Variants in JARID2 observed in about 807,000 individuals in gnomAD.
The protein encoded by JARID2 is protein Jumonji.
A neutral mutation model predicts 125.6 loss-of-function variants in JARID2; 21 were observed. The observed-to-expected ratio is 0.17, with a 90% CI of 0.12 to 0.24. The LOEUF (loss-of-function observed/expected upper bound fraction) is 0.24. Ranked by LOEUF, JARID2 falls within the 10% of genes least tolerant of loss-of-function variation. The pLI, the probability that JARID2 is intolerant of heterozygous loss-of-function variation, is 1.00. For missense variants in JARID2, 1,303 were observed against 1,639.6 expected (o/e 0.79, Z 3.55); for synonymous variants, 736 against 661.6 (o/e 1.11, Z -1.73).
At chr6:15,369,459 C>G (rs1431807209) in intron 1 of JARID2, 1 of 266,518 alleles carries the variant, frequency 3.8e-6, no homozygotes, top group Non-Finnish European at 8.0e-6. Context: ...CCTGTGTCCT[C>G]TATATTAAGC....
chr6:15,504,602 G>A lies in JARID2; in HGVS notation c.2541+10G>A. ...CCCAGCCGAAATCGAGGTGAGAGAA[G>A]GGGCCCCTCACGCTGCCTCTCATGG... On this transcript the variant is annotated intron_variant, in intron 9 of 17. Coordinates refer to ENST00000341776, the MANE Select transcript of JARID2 (RefSeq NM_004973.4). 6.3e-7 allele frequency: 1 copy of A among 1,595,378 alleles called. No homozygotes were observed. Among genetic ancestry groups the A allele is most frequent in the Non-Finnish European group, 8.6e-7 (1 of 1,162,960 alleles).
At chr6:15,299,776 C>T (rs993678761) in intron 1 of JARID2, among the ~76,000 whole-genome samples, 2 of 152,084 alleles carry the variant, frequency 1.3e-5, no homozygotes, top group African/African-American at 4.8e-5. Context: ...CTCACTTCAG[C>T]GGGGTGGGCT....
At chr6:15,310,981 G>A (rs971467684) in intron 1 of JARID2, among the ~76,000 whole-genome samples, 1 of 152,164 alleles carries the variant, frequency 6.6e-6, no homozygotes, top group Non-Finnish European at 1.5e-5. Flanking sequence ...AATGGGAACC[G>A]TCATAGAGTG....
chr6:15,273,079 A>G (rs918128946), intron 1 of JARID2, among the ~76,000 whole-genome samples: 21 of 152,174 alleles, frequency 1.4e-4, no homozygotes, highest in Admixed American at 3.3e-4. Context: ...GATTCAGCAT[A>G]TGGCATTTAC....
chr6:15,496,296 C>T lies in JARID2; in HGVS notation c.1071C>T (p.Val357=). 4 of 1,614,160 alleles carry T rather than the reference C, an allele frequency of 2.5e-6. No individual in the cohort carries two copies. Among genetic ancestry groups the T allele is most frequent in the Non-Finnish European group, 3.4e-6 (4 of 1,180,036 alleles). ...ACACCAAAGCCAAGAGAGAACTGGTCAAGGACACCAAACCCAATCACCACA... is the reference window on the plus strand; with the variant it reads ...ACACCAAAGCCAAGAGAGAACTGGTTAAGGACACCAAACCCAATCACCACA... The part of the protein sequence containing the change: ...VTYTKAKREL[V]KDTKPNHHKP... Residue 357 remains valine, a synonymous_variant, in exon 7 of 18, where the codon GTC becomes GTT. Transcript: ENST00000341776.
intron 1 of JARID2, among the ~76,000 whole-genome samples, chr6:15,266,370 C>G (rs1000399): frequency 6.6e-6 from 1 of 152,076 alleles, no homozygotes; most frequent in Non-Finnish European, 1.5e-5. Flanking sequence ...AACGTCTTCC[C>G]AAATTCCTTC....
chr6:15,399,963 T>C (rs1327694017), intron 2 of JARID2, among the ~76,000 whole-genome samples: 1 of 152,154 alleles, frequency 6.6e-6, no homozygotes, highest in African/African-American at 2.4e-5. Context: ...GAAAATTGAC[T>C]TTAAAAATCA....
intron 1 of JARID2, among the ~76,000 whole-genome samples, chr6:15,262,774 C>T (rs1158001466): frequency 1.3e-5 from 2 of 151,920 alleles, no homozygotes; most frequent in Non-Finnish European, 1.5e-5. Flanking sequence ...ATGATCCACC[C>T]GCCTCGGCCA....
At chr6:15,429,754 G>A (rs1043651722) in intron 3 of JARID2, among the ~76,000 whole-genome samples, 2 of 152,072 alleles carry the variant, frequency 1.3e-5, no homozygotes, top group South Asian at 4.1e-4. Context: ...CACGTTTTTG[G>A]TAGTGATACA....
chr6:15,254,126 A>G (rs1402501477), intron 1 of JARID2, among the ~76,000 whole-genome samples: 3 of 152,304 alleles, frequency 2.0e-5, no homozygotes, highest in Admixed American at 1.3e-4. Context: ...TGTTTTTTGA[A>G]GAACCAGTTG....
At chr6:15,504,075 G>A (rs1770874621) in intron 8 of JARID2, among the ~76,000 whole-genome samples, 1 of 152,234 alleles carries the variant, frequency 6.6e-6, no homozygotes, top group Non-Finnish European at 1.5e-5. Context: ...TCTCCTGTGG[G>A]ATCCCTGGTC....
intron 3 of JARID2, among the ~76,000 whole-genome samples, chr6:15,421,187 T>C (rs995927539): frequency 5.9e-5 from 9 of 152,162 alleles, no homozygotes; most frequent in African/African-American, 2.2e-4. Context: ...ATCATTTGTT[T>C]TCCATCCGTC....
intron 1 of JARID2, among the ~76,000 whole-genome samples, chr6:15,306,684 A>G (rs1044725933): frequency 6.6e-6 from 1 of 151,794 alleles, no homozygotes; most frequent in Non-Finnish European, 1.5e-5. Context: ...TTTAGTCCAC[A>G]TTCTGGGGAA....
intron 2 of JARID2, among the ~76,000 whole-genome samples, chr6:15,379,472 A>G (rs140198411): frequency 3.9e-4 from 60 of 152,334 alleles, no homozygotes; most frequent in African/African-American, 1.4e-3. Context: ...AAATAATAAC[A>G]TGCTACACAA....
chr6:15,264,105 A>C (rs1759989772), intron 1 of JARID2, among the ~76,000 whole-genome samples: 1 of 152,200 alleles, frequency 6.6e-6, no homozygotes, highest in East Asian at 1.9e-4. Context: ...AGGCAACATA[A>C]GAGAAGTGGA....
At chr6:15,499,696 G>A (rs751927061) in intron 7 of JARID2, among the ~76,000 whole-genome samples, 21 of 152,276 alleles carry the variant, frequency 1.4e-4, no homozygotes, top group Non-Finnish European at 2.4e-4. Flanking sequence ...TGGAGTCTCA[G>A]TTCTTAGGTC....
chr6:15,282,398 C>G (rs1432602089), intron 1 of JARID2, among the ~76,000 whole-genome samples: 1 of 152,136 alleles, frequency 6.6e-6, no homozygotes, highest in Non-Finnish European at 1.5e-5. Flanking sequence ...AAATATCACT[C>G]ATCATTGTCT....
At chr6:15,400,782 G>A (rs1161803293) in intron 2 of JARID2, 1 of 984,978 alleles carries the variant, frequency 1.0e-6, no homozygotes, top group Non-Finnish European at 1.2e-6. Context: ...CGGCCCCATT[G>A]CTGTTCTGGC....
At chr6:15,388,780 A>G (rs1274252986) in intron 2 of JARID2, among the ~76,000 whole-genome samples, 1 of 151,854 alleles carries the variant, frequency 6.6e-6, no homozygotes, top group Non-Finnish European at 1.5e-5. Context: ...ATGCTTTCAG[A>G]CCCCGTAGCT....
Sources: allele counts gnomAD v4.1 joint callset (sites outside exome capture counted in the v4.1 genomes callset), GRCh38; gene constraint gnomAD v4.1.1; transcripts MANE v1.5; gene names NCBI Gene and HGNC (gene_info 2026-07-23, HGNC 2026-07-21).